The following DVL1 variants were observed in gnomAD, a reference collection of about 807,000 sequenced individuals.
DVL1 encodes the protein dishevelled segment polarity protein 1.
DVL1 carries 49 observed loss-of-function variants against 65.0 expected under a neutral mutation model. The observed-to-expected ratio is 0.75, with a 90% CI of 0.60 to 0.96. DVL1 has a LOEUF of 0.96. DVL1 is among the 40% of genes least tolerant of loss of function. DVL1 has a pLI of 0.00. For missense variants in DVL1, 1,197 were observed against 1,045.4 expected, an observed-to-expected ratio of 1.15 and a Z score of -2.00; for synonymous variants, 608 against 433.9, an observed-to-expected ratio of 1.40 and a Z score of -4.99.
rs765342412 is a variant in DVL1 at position 1,338,512 on chromosome 1, G to A, written c.1339+10C>T. The stretch of plus-strand genomic sequence containing the variant: ...CCTGGCACTATCCGCCCGCGGGGAC[G>A]GCCACTCACCGATGACGGCATTGGC... On this transcript the variant is annotated intron_variant, in intron 12 of 14. Transcript: ENST00000378888. 2.4e-5 allele frequency: 38 copies of A among 1,611,962 alleles called. No individual in the cohort carries two copies. Among genetic ancestry groups the A allele is most frequent in the South Asian group, 8.8e-5 (8 of 91,072 alleles).
At chr1:1,341,915 C>T in intron 4 of DVL1, 110 bp from the exon 5 acceptor site, 2 of 1,473,532 alleles carry the variant, frequency 1.4e-6, no homozygotes, top group Non-Finnish European at 1.8e-6. Context: ...GGCAGCTCAA[C>T]TGTAGGCTCG....
In DVL1 at chr1:1,341,781, C is replaced by T. The variant is rs1643840902; in HGVS notation, c.491G>A (p.Arg164Lys). The T allele has an allele frequency of 6.3e-7, 1 of 1,598,354 alleles. No individual in the cohort carries two copies. The highest frequency in any genetic ancestry group is 8.5e-7 in the Non-Finnish European group (1 of 1,171,292). The change falls in exon 5 of 15, where the codon AGG becomes AAG. Residue 164 changes from arginine (R) to lysine (K), a missense_variant. Physicochemically the swap from Arg to Lys is conservative, Grantham distance 26 (BLOSUM62 2). Transcript: ENST00000378888. ...EEAARTNGHP[R>K]GDRRRDVGLP... The stretch of plus-strand genomic sequence containing the variant: ...CCCCACATCCCGCCGTCGGTCTCCC[C>T]TTGGGTGCCCATTGGTCCGGGCGGC...
chr1:1,339,428 G>A lies in DVL1; in HGVS notation c.1066C>T (p.Arg356Trp), dbSNP rs1451551708. 13 of 1,546,546 alleles carry A rather than the reference G, an allele frequency of 8.4e-6. No homozygotes were observed. Among genetic ancestry groups the A allele is most frequent in the South Asian group, 1.2e-5 (1 of 83,920 alleles). The change falls in exon 11 of 15, where the codon CGG (arginine) becomes TGG (tryptophan). Residue 356 changes from arginine (R) to tryptophan (W), a missense_variant. Transcript: ENST00000378888. ...YFTVPRADPV[R>W]PIDPAAWLSH... is the part of the protein sequence containing the mutation. The stretch of plus-strand genomic sequence containing the variant: ...AGCCAGGCGGCGGGGTCGATGGGCC[G>A]CACCGGGTCAGCTGGGTGGCCGCCA...
At chr1:1,343,210 G>A (rs930658564) in intron 1 of DVL1, among the ~76,000 whole-genome samples, 17 of 151,602 alleles carry the variant, frequency 1.1e-4, no homozygotes, top group Non-Finnish European at 2.1e-4. Flanking sequence ...GGTGGCCCCA[G>A]ACGCTGTCTC....
At chr1:1,337,822 G>A (rs1265718898) in intron 14 of DVL1, 155 bp downstream of exon 14, 1 of 737,714 alleles carries the variant, frequency 1.4e-6, no homozygotes, top group Admixed American at 2.0e-5. Context: ...TGGGATTGGG[G>A]TCAGCAGAGA....
chr1:1,348,503 T>C (rs548259970), intron 1 of DVL1, among the ~76,000 whole-genome samples: 9 of 152,300 alleles, frequency 5.9e-5, no homozygotes, highest in Admixed American at 3.9e-4. Context: ...TGTACCCCCA[T>C]GTCTCCCCAT....
chr1:1,342,837 C>CG, intron 1 of DVL1, 79 bp from the exon 2 acceptor site: 1 of 1,410,842 alleles, frequency 7.1e-7, no homozygotes, highest in Non-Finnish European at 9.9e-7. Flanking sequence ...GGAGAGCAGG[C>CG]GCTCCTCCTG....
rs766033367 is a variant in DVL1, at chr1:1,340,423, C to G, written c.686G>C (p.Arg229Pro). Residue 229 changes from arginine (R) to proline (P), a missense_variant, in exon 6 of 15, where the codon CGG (arginine) becomes CCG (proline). Physicochemically the swap from Arg to Pro is moderately radical, Grantham distance 103. Coordinates refer to ENST00000378888, the MANE Select transcript of DVL1 (RefSeq NM_001330311.2). ...HKRRRRKQRL[R>P]QADRASSFSS... ...CCGGCTGCCTACCCGGTCCGCCTGC[C>G]GAAGGCGCTGCTTCCTCCGCCGGCG... 38 of 1,612,388 alleles carry G rather than the reference C, an allele frequency of 2.4e-5. No homozygotes were observed. Among genetic ancestry groups the G allele is most frequent in the Non-Finnish European group, 3.0e-5 (35 of 1,179,508 alleles).
chr1:1,336,656 G>T, intron 14 of DVL1, 141 bp from the exon 15 acceptor site: 1 of 1,154,312 alleles, frequency 8.7e-7, no homozygotes, highest in Non-Finnish European at 1.1e-6. Flanking sequence ...CAGGCGCGAG[G>T]ACAGGGCCGG....
chr1:1,348,067 G>A (rs1037991915), intron 1 of DVL1, among the ~76,000 whole-genome samples: 5 of 152,190 alleles, frequency 3.3e-5, no homozygotes, highest in African/African-American at 1.2e-4. Context: ...GGGCCACGAG[G>A]CCTGAGCCCG....
chr1:1,338,750 C>G, intron 11 of DVL1, 97 bp from the exon 12 acceptor site: 1 of 1,495,944 alleles, frequency 6.7e-7, no homozygotes, highest in South Asian at 1.3e-5. Flanking sequence ...AGAGCCTGCG[C>G]CAGGGCGCAA....
intron 5 of DVL1, 77 bp downstream of exon 5, chr1:1,341,590 G>GCACA (rs1333124430): frequency 1.1e-5 from 9 of 839,966 alleles, no homozygotes; most frequent in Non-Finnish European, 1.5e-5. Flanking sequence ...AACACCTCAT[G>GCACA]CAGACACATG....
In DVL1 at chr1:1,342,702, C is replaced by T. The variant is rs750153032; in HGVS notation, c.227G>A (p.Arg76His). ...DNAKLPCFNG[R>H]VVSWLVLAEG... The stretch of plus-strand genomic sequence containing the variant: ...ACAGGGGCTCACCCAGGAGACCACG[C>T]GGCCGTTGAAGCAGGGAAGCTTGGC... The change falls in exon 2 of 15, where the codon CGC becomes CAC. Residue 76 changes from arginine (R) to histidine (H), a missense_variant. Physicochemically the swap from Arg to His is conservative, Grantham distance 29 (BLOSUM62 0). Coordinates refer to ENST00000378888, the MANE Select transcript of DVL1 (RefSeq NM_001330311.2). 1.6e-5 allele frequency: 26 copies of T among 1,612,920 alleles called. No homozygotes were observed. In the Admixed American group the frequency reaches 3.0e-4, roughly 19 times the overall value.
chr1:1,338,467 T>A (rs759737026), intron 12 of DVL1, 31 bp from the exon 13 acceptor site: 3 of 1,608,704 alleles, frequency 1.9e-6, no homozygotes, highest in Middle Eastern at 1.7e-4. Flanking sequence ...GCCCGCAGCC[T>A]CGAGGCAAGC....
rs557216760 is a variant in DVL1, at chr1:1,344,911, G to A, written c.171-2153C>T. Among the ~76,000 whole-genome samples the A allele has an allele frequency of 4.6e-5, 7 of 152,176 alleles. No individual in the cohort carries two copies. In the East Asian group the frequency reaches 5.8e-4, roughly 13 times the overall value. ...ACACACGGCCCCAGGTGGCCTGGCC[G>A]GCAGCTTCTCCCCTGCCACACCCAA... On this transcript the variant is annotated intron_variant, in intron 1 of 14. Transcript: ENST00000378888.
intron 1 of DVL1, among the ~76,000 whole-genome samples, chr1:1,346,954 G>A (rs904520157): frequency 2.0e-5 from 3 of 152,176 alleles, no homozygotes; most frequent in Non-Finnish European, 4.4e-5. Flanking sequence ...CTCCCACGGG[G>A]GTTCTATTCC....
At position 1,341,750 on chromosome 1, in the gene DVL1, G is replaced by A. The variant is rs778426245; in HGVS notation, c.522C>T (p.Pro174=). 1.9e-6 allele frequency: 3 copies of A among 1,608,562 alleles called. No homozygotes were observed. Among genetic ancestry groups the A allele is most frequent in the Non-Finnish European group, 2.5e-6 (3 of 1,177,342 alleles). The change falls in exon 5 of 15, where the codon CCC becomes CCT. Residue 174 remains proline (P), a synonymous_variant. Transcript: ENST00000378888. ...TGAGGGCGGTGGACGCGCTGTCTGG[G>A]GGCAGCCCCACATCCCGCCGTCGGT... ...RGDRRRDVGL[P]PDSASTALSS... is the part of the protein sequence containing the mutation.
Position 1,338,662 on chromosome 1 carries a change from C to A in DVL1, c.1208-9G>T. On this transcript the variant is annotated splice_polypyrimidine_tract_variant and intron_variant, in intron 11 of 14. Transcript: ENST00000378888. ...CGGCGCCTCTTCCAGCTCTGCAAAG[C>A]ACAGACAGCCCCGCTTCAGCCCCAG... 1 of 1,606,918 alleles carries A rather than the reference C, an allele frequency of 6.2e-7. No individual in the cohort carries two copies.
At chr1:1,338,229 T>TTGGCGG in intron 13 of DVL1, 40 bp downstream of exon 13, 1 of 1,522,370 alleles carries the variant, frequency 6.6e-7, no homozygotes, top group Non-Finnish European at 9.0e-7. Context: ...CCTCCGGCGT[T>TTGGCGG]CCCCTCCCCC....
Sources: gnomAD v4.1 joint callset for allele counts (sites outside exome capture counted in the v4.1 genomes callset) on GRCh38, gnomAD v4.1.1 for gene constraint, MANE v1.5 for transcripts, NCBI Gene and HGNC (gene_info 2026-07-23, HGNC 2026-07-21) for gene names.